OSBPL11: variants seen among roughly 807,000 people sequenced by gnomAD.
OSBPL11 encodes oxysterol-binding protein-related protein 11.
Under a neutral mutation model 84.4 loss-of-function variants are expected in OSBPL11, and 33 were observed. That is an observed-to-expected ratio of 0.39 (90% confidence interval 0.30 to 0.52). The LOEUF (loss-of-function observed/expected upper bound fraction) is 0.52. Among genes scored for constraint, OSBPL11 ranks in the 20% least tolerant of loss-of-function variants. The pLI, the probability that OSBPL11 is intolerant of heterozygous loss-of-function variation, is 0.72. For synonymous variants in OSBPL11, 276 were observed against 310.2 expected (o/e 0.89, Z 1.16); for missense variants, 736 against 901.1 (o/e 0.82, Z 2.35).
intron 8 of OSBPL11, among the ~76,000 whole-genome samples, chr3:125,559,277 A>G (rs13064295): frequency 0.067 from 10,204 of 152,210 alleles, 468 homozygotes; most frequent in Non-Finnish European, 0.098. Context: ...GGATTACGTA[A>G]TTTTCTCTAC....
In OSBPL11 at chr3:125,529,455, A is replaced by AT. The variant is rs931972501; in HGVS notation, c.*1059_*1060insA. The AT allele has an allele frequency of 3.8e-5, 5 of 131,910 alleles. No individual in the cohort carries two copies. Among genetic ancestry groups the AT allele is most frequent in the African/African-American group, 1.4e-4 (4 of 28,110 alleles). The allele number at this position is 131,910 out of a possible 1,614,324, so 8.2% of individuals were successfully genotyped here. ...TTAGCATTTAAATTTCCTCAAAAAA[A>AT]AAAAAAATAAATAAAACCATACCTT... On this transcript the variant is annotated 3_prime_UTR_variant, in exon 13 of 13. Transcript: ENST00000296220.
chr3:125,589,501 C>T (rs1936566536), intron 1 of OSBPL11, among the ~76,000 whole-genome samples: 2 of 151,886 alleles, frequency 1.3e-5, no homozygotes, highest in Admixed American at 1.3e-4. Context: ...TTTCCAGTTA[C>T]ATGCCTACAA....
chr3:125,542,124 G>T (rs1311500427), intron 10 of OSBPL11, among the ~76,000 whole-genome samples: 1 of 152,162 alleles, frequency 6.6e-6, no homozygotes, highest in African/African-American at 2.4e-5. Flanking sequence ...ATTCTGCTCC[G>T]ATTCAAATCT....
chr3:125,587,674 A>G (rs1936535048), intron 1 of OSBPL11, among the ~76,000 whole-genome samples: 1 of 152,232 alleles, frequency 6.6e-6, no homozygotes, highest in Admixed American at 6.5e-5. Context: ...TTCAGTGGGC[A>G]GGTGCCTTCA....
intron 8 of OSBPL11, among the ~76,000 whole-genome samples, chr3:125,556,068 A>G (rs1315973952): frequency 1.3e-5 from 2 of 152,334 alleles, no homozygotes; most frequent in East Asian, 3.9e-4. Flanking sequence ...TTCGCTTCTT[A>G]CAAATCTTTC....
intron 1 of OSBPL11, among the ~76,000 whole-genome samples, chr3:125,586,950 GAAA>G (rs1301509933): frequency 6.6e-6 from 1 of 152,154 alleles, no homozygotes; most frequent in African/African-American, 2.4e-5. Flanking sequence ...ACAGCACTCT[GAAA>G]AACCATTGAA....
intron 4 of OSBPL11, among the ~76,000 whole-genome samples, chr3:125,577,510 C>G (rs1377847305): frequency 2.0e-5 from 3 of 152,018 alleles, no homozygotes; most frequent in Non-Finnish European, 4.4e-5. Flanking sequence ...AGGACAATAA[C>G]AAGTGTCGGC....
intron 11 of OSBPL11, among the ~76,000 whole-genome samples, chr3:125,533,560 A>C (rs1935594156): frequency 6.6e-6 from 1 of 152,200 alleles, no homozygotes; most frequent in Non-Finnish European, 1.5e-5. Context: ...TGGCTCCAAA[A>C]GGTTTCCTAA....
chr3:125,583,580 C>CA (rs1936460466), intron 1 of OSBPL11, among the ~76,000 whole-genome samples: 1 of 58,736 alleles, frequency 1.7e-5, no homozygotes, highest in Non-Finnish European at 2.9e-5. Flanking sequence ...GACTCCGTCT[C>CA]CAAAAAAAAA....
chr3:125,577,783 C>T (rs1291963873), intron 4 of OSBPL11, among the ~76,000 whole-genome samples: 4 of 151,396 alleles, frequency 2.6e-5, no homozygotes, highest in African/African-American at 7.3e-5. Flanking sequence ...GAGCTGATAT[C>T]GTGCCACTGC....
chr3:125,580,261 T>A, intron 2 of OSBPL11, among the ~76,000 whole-genome samples: 1 of 152,134 alleles, frequency 6.6e-6, no homozygotes, highest in Non-Finnish European at 1.5e-5. Flanking sequence ...ACGCCTCTAA[T>A]CCCAGCACTT....
At chr3:125,532,096 A>G in intron 11 of OSBPL11, 82 bp from the exon 12 acceptor site, 1 of 1,362,060 alleles carries the variant, frequency 7.3e-7, no homozygotes, top group Non-Finnish European at 9.9e-7. Flanking sequence ...AAATTACAAT[A>G]ATTTTATAAA....
At chr3:125,542,704 G>A (rs534245596) in intron 10 of OSBPL11, among the ~76,000 whole-genome samples, 39 of 152,172 alleles carry the variant, frequency 2.6e-4, no homozygotes, top group African/African-American at 9.2e-4. Flanking sequence ...TAGAGACGGG[G>A]TTTCACTGTG....
intron 5 of OSBPL11, among the ~76,000 whole-genome samples, chr3:125,573,856 G>C (rs1205264556): frequency 3.7e-5 from 3 of 81,174 alleles, no homozygotes; most frequent in Non-Finnish European, 6.7e-5. Context: ...TGGGCAACAA[G>C]AGCAAAACTC....
intron 11 of OSBPL11, among the ~76,000 whole-genome samples, chr3:125,536,132 C>CAAAAAA (rs35385096): frequency 3.9e-5 from 4 of 102,526 alleles, no homozygotes; most frequent in African/African-American, 9.7e-5. Flanking sequence ...GAGTCCATCT[C>CAAAAAA]AAAAAAAAAA....
At chr3:125,541,725 G>A (rs1449595421) in intron 10 of OSBPL11, among the ~76,000 whole-genome samples, 1 of 152,154 alleles carries the variant, frequency 6.6e-6, no homozygotes, top group Admixed American at 6.5e-5. Context: ...CTACAGGCAT[G>A]TGCCATCATG....
chr3:125,583,930 C>G (rs1936466478), intron 1 of OSBPL11, among the ~76,000 whole-genome samples: 1 of 151,970 alleles, frequency 6.6e-6, no homozygotes, highest in African/African-American at 2.4e-5. Context: ...TTGTTTGGCT[C>G]CCCTATCTTC....
At chr3:125,588,051 A>C (rs1279480754) in intron 1 of OSBPL11, among the ~76,000 whole-genome samples, 1 of 151,918 alleles carries the variant, frequency 6.6e-6, no homozygotes, top group Non-Finnish European at 1.5e-5. Flanking sequence ...GTAAAACCCT[A>C]TCTCTACTAA....
chr3:125,560,557 T>C, intron 7 of OSBPL11, 38 bp from the exon 8 acceptor site: 4 of 1,485,278 alleles, frequency 2.7e-6, no homozygotes, highest in Non-Finnish European at 3.6e-6. Context: ...GTATTTTAAC[T>C]ACCTATTCAT....
Sources: allele counts gnomAD v4.1 joint callset (sites outside exome capture counted in the v4.1 genomes callset), GRCh38; gene constraint gnomAD v4.1.1; transcripts MANE v1.5; gene names NCBI Gene and HGNC (gene_info 2026-07-23, HGNC 2026-07-21).